ARK2N: variants seen among roughly 807,000 people sequenced by gnomAD.
ARK2N encodes the protein arkadia (RNF111) N-terminal like PKA signaling regulator 2N, also known as protein ARK2N.
chr18:46,253,612 T>C, the ARK2N span: 1 of 1,482,944 alleles, frequency 6.7e-7, no homozygotes, highest in Non-Finnish European at 9.1e-7. Context: ...TAAACCTAGA[T>C]GACAAATCTG....
the ARK2N span, among the ~76,000 whole-genome samples, chr18:46,241,637 A>G: frequency 1.3e-5 from 2 of 151,714 alleles, no homozygotes; most frequent in Non-Finnish European, 1.5e-5. Flanking sequence ...CAGCTGTGGA[A>G]TTGCTTGAAC....
the ARK2N span, among the ~76,000 whole-genome samples, chr18:46,190,098 C>T: frequency 1.2e-3 from 187 of 152,222 alleles, no homozygotes; most frequent in Non-Finnish European, 2.3e-3. Context: ...CAGGATTATA[C>T]ATTTTAGGTT....
chr18:46,234,745 C>T, the ARK2N span, among the ~76,000 whole-genome samples: 1 of 151,976 alleles, frequency 6.6e-6, no homozygotes, highest in Non-Finnish European at 1.5e-5. Flanking sequence ...GATGTTTACC[C>T]CTTCCTTCTT....
chr18:46,186,237 CCAGG>C, the ARK2N span, among the ~76,000 whole-genome samples: 1 of 151,448 alleles, frequency 6.6e-6, no homozygotes, highest in South Asian at 2.1e-4. Context: ...TGCTCTGTCG[CCAGG>C]CTGGAGTGCA....
chr18:46,197,812 G>A, the ARK2N span, among the ~76,000 whole-genome samples: 1 of 152,212 alleles, frequency 6.6e-6, no homozygotes, highest in Admixed American at 6.5e-5. Context: ...AGGAGGACGT[G>A]TGTTGGTAGT....
the ARK2N span, among the ~76,000 whole-genome samples, chr18:46,176,481 C>G: frequency 4.7e-5 from 7 of 149,402 alleles, no homozygotes; most frequent in Non-Finnish European, 5.9e-5. Context: ...TTTAAAGACA[C>G]TCTTGCTCTG....
At chr18:46,183,020 A>G in the ARK2N span, among the ~76,000 whole-genome samples, 3 of 151,644 alleles carry the variant, frequency 2.0e-5, no homozygotes, top group Non-Finnish European at 4.4e-5. Context: ...ACTTTTTAGC[A>G]CTCCAGTTTC....
chr18:46,248,868 C>T, the ARK2N span, among the ~76,000 whole-genome samples: 7 of 152,220 alleles, frequency 4.6e-5, no homozygotes, highest in Non-Finnish European at 1.0e-4. Context: ...CAGGCGTGAG[C>T]CACTGCGCCT....
the ARK2N span, among the ~76,000 whole-genome samples, chr18:46,193,723 T>C: frequency 6.6e-6 from 1 of 151,020 alleles, no homozygotes; most frequent in African/African-American, 2.4e-5. Flanking sequence ...CTCAGTCTCC[T>C]GAGTAGCTGG....
chr18:46,225,401 G>A, the ARK2N span, among the ~76,000 whole-genome samples: 1 of 152,234 alleles, frequency 6.6e-6, no homozygotes, highest in Non-Finnish European at 1.5e-5. Context: ...TTGACAATCT[G>A]CGTTTTGGAT....
the ARK2N span, among the ~76,000 whole-genome samples, chr18:46,207,685 A>T: frequency 6.6e-6 from 1 of 152,076 alleles, no homozygotes; most frequent in Non-Finnish European, 1.5e-5. Flanking sequence ...ACGGCGCCTG[A>T]CCTTCTATAC....
At chr18:46,217,808 A>G in the ARK2N span, 4 of 152,074 alleles carry the variant, frequency 2.6e-5, no homozygotes, top group East Asian at 1.9e-4. Flanking sequence ...TTCCTTTGCT[A>G]TTGTTCCTTG....
At chr18:46,262,549 T>A in the ARK2N span, among the ~76,000 whole-genome samples, 1 of 152,378 alleles carries the variant, frequency 6.6e-6, no homozygotes, top group Admixed American at 6.5e-5. Flanking sequence ...ACTGTTTGAT[T>A]TGTTCAGACT....
chr18:46,228,537 T>C, the ARK2N span, among the ~76,000 whole-genome samples: 3 of 152,186 alleles, frequency 2.0e-5, no homozygotes, highest in Non-Finnish European at 4.4e-5. Flanking sequence ...GATTTTTTTT[T>C]GCCTTTAAGA....
chr18:46,210,266 T>C, the ARK2N span, among the ~76,000 whole-genome samples: 1 of 152,090 alleles, frequency 6.6e-6, no homozygotes, highest in African/African-American at 2.4e-5. Flanking sequence ...AGAAAACTAT[T>C]AAAGAGGTGG....
the ARK2N span, among the ~76,000 whole-genome samples, chr18:46,227,728 G>T: frequency 2.0e-5 from 3 of 152,068 alleles, no homozygotes; most frequent in African/African-American, 7.2e-5. Context: ...CTCCTAAGTA[G>T]TTGGGATTAC....
chr18:46,246,715 G>C, the ARK2N span, among the ~76,000 whole-genome samples: 1 of 146,316 alleles, frequency 6.8e-6, no homozygotes, highest in Non-Finnish European at 1.5e-5. Flanking sequence ...GGCCGAGGCG[G>C]GTAGATTACC....
At chr18:46,174,050 G>C in the ARK2N span, 2 of 152,406 alleles carry the variant, frequency 1.3e-5, no homozygotes, top group Non-Finnish European at 2.9e-5. Context: ...GCGCCCAGCG[G>C]AACGGCCTCT....
the ARK2N span, among the ~76,000 whole-genome samples, chr18:46,174,874 T>C: frequency 6.6e-6 from 1 of 152,216 alleles, no homozygotes; most frequent in Non-Finnish European, 1.5e-5. Flanking sequence ...GCAGTGGCCT[T>C]GGTGGAGGGA....
Sources: allele counts gnomAD v4.1 joint callset (sites outside exome capture counted in the v4.1 genomes callset), GRCh38; gene constraint gnomAD v4.1.1; transcripts MANE v1.5; gene names NCBI Gene and HGNC (gene_info 2026-07-23, HGNC 2026-07-21).